REV3L: variants seen among roughly 807,000 people sequenced by gnomAD.
REV3L encodes the protein DNA polymerase zeta catalytic subunit.
In REV3L, 69 loss-of-function variants were observed where a neutral mutation model predicts 299.4. The observed-to-expected ratio is 0.23, with a 90% CI of 0.19 to 0.28. REV3L has a LOEUF of 0.28. Among genes scored for constraint, REV3L ranks in the 10% least tolerant of loss-of-function variants. The pLI is 1.00. For missense variants in REV3L, 3,128 were observed against 3,693.8 expected, an observed-to-expected ratio of 0.85 and a Z score of 3.97; for synonymous variants, 1,238 against 1,271.4, an observed-to-expected ratio of 0.97 and a Z score of 0.56.
At chr6:111,438,014 AT>A (rs113741430) in intron 1 of REV3L, among the ~76,000 whole-genome samples, 2,000 of 146,690 alleles carry the variant, frequency 0.014, 37 homozygotes, top group African/African-American at 0.045. Context: ...CACCTGCCTA[AT>A]TTTTTTTTTT....
intron 11 of REV3L, among the ~76,000 whole-genome samples, chr6:111,379,575 C>G (rs971336075): frequency 6.6e-6 from 1 of 152,178 alleles, no homozygotes; most frequent in African/African-American, 2.4e-5. Context: ...CCTTAGTTCC[C>G]TTAGTCTAAT....
At chr6:111,398,434 A>T (rs1215827938) in intron 4 of REV3L, among the ~76,000 whole-genome samples, 1 of 137,416 alleles carries the variant, frequency 7.3e-6, no homozygotes, top group Non-Finnish European at 1.6e-5. Context: ...AAGAAAAAAG[A>T]AAAAAAAAAT....
intron 18 of REV3L, among the ~76,000 whole-genome samples, chr6:111,355,621 C>A (rs991233604): frequency 2.6e-5 from 4 of 152,044 alleles, no homozygotes; most frequent in Non-Finnish European, 4.4e-5. Context: ...TTGCAAATGA[C>A]TAACAAAATT....
At chr6:111,460,182 C>T (rs145770501) in intron 1 of REV3L, 3 of 152,032 alleles carry the variant, frequency 2.0e-5, no homozygotes, top group Admixed American at 6.6e-5. Flanking sequence ...AACCAAATAC[C>T]CCATGTTCTC....
At chr6:111,408,602 A>AAAAACAAAACAAAAC (rs75742786) in intron 3 of REV3L, among the ~76,000 whole-genome samples, 4,430 of 148,084 alleles carry the variant, frequency 0.03, 106 homozygotes, top group South Asian at 0.073. Context: ...ACTCCATCTT[A>AAAAACAAAACAAAAC]AAAACAAAAC....
chr6:111,468,209 G>C (rs1220674667), intron 1 of REV3L, among the ~76,000 whole-genome samples: 1 of 152,058 alleles, frequency 6.6e-6, no homozygotes, highest in Non-Finnish European at 1.5e-5. Context: ...ATAATGCCAG[G>C]ATCTTTTCCT....
intron 1 of REV3L, among the ~76,000 whole-genome samples, chr6:111,426,764 C>T (rs1786234416): frequency 6.6e-6 from 1 of 152,132 alleles, no homozygotes. Flanking sequence ...AACTATGAAA[C>T]TATATGGGTA....
intron 1 of REV3L, among the ~76,000 whole-genome samples, chr6:111,434,852 A>G (rs1562307250): frequency 6.6e-6 from 1 of 152,204 alleles, no homozygotes; most frequent in Non-Finnish European, 1.5e-5. Context: ...GAAATTAAAG[A>G]GGACACAGAA....
chr6:111,430,176 G>T, intron 1 of REV3L: 1 of 794,984 alleles, frequency 1.3e-6, no homozygotes. Flanking sequence ...CTTGCCCGGT[G>T]AGAAGCCTCT....
At chr6:111,442,274 C>A (rs569755002) in intron 1 of REV3L, among the ~76,000 whole-genome samples, 1 of 152,174 alleles carries the variant, frequency 6.6e-6, no homozygotes, top group South Asian at 2.1e-4. Context: ...AACTGTAACA[C>A]TGGCTTTATC....
intron 31 of REV3L, among the ~76,000 whole-genome samples, chr6:111,301,479 C>A (rs909689914): frequency 6.6e-6 from 1 of 151,780 alleles, no homozygotes; most frequent in African/African-American, 2.4e-5. Context: ...TGTGATGTCA[C>A]CCCCAGAGAC....
chr6:111,433,429 G>A (rs1287768750), intron 1 of REV3L, among the ~76,000 whole-genome samples: 1 of 152,060 alleles, frequency 6.6e-6, no homozygotes, highest in Non-Finnish European at 1.5e-5. Context: ...AGACTGTTAT[G>A]AAGAACTATA....
At chr6:111,409,918 TTCTCTA>T (rs1784070594) in intron 3 of REV3L, among the ~76,000 whole-genome samples, 1 of 152,210 alleles carries the variant, frequency 6.6e-6, no homozygotes, top group African/African-American at 2.4e-5. Context: ...TACCTGTGTA[TTCTCTA>T]TCTCCCCAGC....
At position 111,375,643 on chromosome 6, in the gene REV3L, T is replaced by C. The variant is rs1780226119; in HGVS notation, c.2712A>G (p.Leu904=). The C allele has an allele frequency of 2.5e-6, 4 of 1,613,946 alleles. No homozygotes were observed. Among genetic ancestry groups the C allele is most frequent in the South Asian group, 1.1e-5 (1 of 91,076 alleles). The part of the protein sequence containing the change: ...FIDCHFGDGT[L]ETEQSFGLYG... ...ATAGTCCAAAGGACTGCTCAGTTTC[T>C]AACGTTCCATCTCCAAAGTGACAGT... is the stretch of plus-strand genomic sequence containing the variant. Residue 904 remains leucine, a synonymous_variant, in exon 13 of 32, where the codon TTA becomes TTG. Coordinates refer to ENST00000368802, the MANE Select transcript of REV3L (RefSeq NM_001372078.1).
intron 31 of REV3L, among the ~76,000 whole-genome samples, chr6:111,301,335 C>G (rs1196293090): frequency 6.6e-6 from 1 of 152,106 alleles, no homozygotes; most frequent in African/African-American, 2.4e-5. Flanking sequence ...CACTCTGCCT[C>G]TTTGCTGTTG....
At chr6:111,438,502 A>AT (rs1168192152) in intron 1 of REV3L, among the ~76,000 whole-genome samples, 1 of 149,880 alleles carries the variant, frequency 6.7e-6, no homozygotes. Flanking sequence ...TCATATTAAG[A>AT]TTAAAAAAAA....
intron 1 of REV3L, among the ~76,000 whole-genome samples, chr6:111,480,477 A>G (rs1793486111): frequency 6.6e-6 from 1 of 152,162 alleles, no homozygotes; most frequent in Non-Finnish European, 1.5e-5. Context: ...ATAATTCAAA[A>G]GCAGGTAATT....
At chr6:111,425,676 T>C (rs1365119189) in intron 1 of REV3L, among the ~76,000 whole-genome samples, 2 of 151,952 alleles carry the variant, frequency 1.3e-5, no homozygotes, top group Non-Finnish European at 2.9e-5. Context: ...TGCACACATA[T>C]ATATAAAAGC....
At chr6:111,361,350 T>TCCGCAG in intron 16 of REV3L, 3 of 148,344 alleles carry the variant, frequency 2.0e-5, no homozygotes, top group Non-Finnish European at 4.5e-5. Context: ...TGCCATTGCA[T>TCCGCAG]TCCAGCCTGG....
Sources: gnomAD v4.1 joint callset for allele counts (sites outside exome capture counted in the v4.1 genomes callset) on GRCh38, gnomAD v4.1.1 for gene constraint, MANE v1.5 for transcripts, NCBI Gene and HGNC (gene_info 2026-07-23, HGNC 2026-07-21) for gene names.